Variants in FUBP1 observed in about 807,000 individuals in gnomAD.
FUBP1 encodes the protein far upstream element-binding protein 1.
In FUBP1, 16 loss-of-function variants were observed where a neutral mutation model predicts 94.9. The ratio of observed to expected loss-of-function variants is 0.17; its 90% CI spans 0.11 to 0.26. FUBP1 has a LOEUF of 0.26. Ranked by LOEUF, FUBP1 falls within the 10% of genes least tolerant of loss-of-function variation. The pLI, the probability that FUBP1 is intolerant of heterozygous loss-of-function variation, is 1.00. For missense variants in FUBP1, 583 were observed against 808.6 expected, an observed-to-expected ratio of 0.72 and a Z score of 3.38; for synonymous variants, 279 against 254.9, an observed-to-expected ratio of 1.09 and a Z score of -0.90.
chr1:77,960,500 A>G lies in FUBP1; in HGVS notation c.1345-5T>C. On this transcript the variant is annotated splice_polypyrimidine_tract_variant and splice_region_variant and intron_variant, in intron 14 of 19. Transcript: ENST00000370768. ...CCCTAAAGGATTTACTGGGCCCTAC[A>G]AAAAAAAGGATGACATAGAAAAATC... is the stretch of plus-strand genomic sequence containing the variant. 6.4e-7 allele frequency: 1 copy of G among 1,563,988 alleles called. No homozygotes were observed.
Position 77,945,819 on chromosome 1 carries a change from A to G in FUBP1, c.*2947T>C, listed in dbSNP as rs912397537. 3 of 213,184 alleles carry G rather than the reference A, an allele frequency of 1.4e-5. No homozygotes were observed. The highest frequency in any genetic ancestry group is 6.8e-5 in the African/African-American group (3 of 44,358). 13.2% of individuals were successfully genotyped at this position (213,184 alleles called of 1,614,324 possible). A position where few individuals can be genotyped will look rare whatever the true frequency, so the allele number is the denominator to read the frequency against. ...ACCAGTTAAAATCATCTATAAAAAC[A>G]CACAAACATTTTAAACTGGCAAAAA... On this transcript the variant is annotated 3_prime_UTR_variant, in exon 20 of 20. Transcript: ENST00000370768.
intron 1 of FUBP1, among the ~76,000 whole-genome samples, chr1:77,978,403 C>T (rs1462654704): frequency 2.0e-5 from 3 of 152,170 alleles, no homozygotes; most frequent in Non-Finnish European, 4.4e-5. Flanking sequence ...AGAGGTGTGA[C>T]GGTGAATGGT....
At chr1:77,961,073 T>G (rs1655383613) in intron 14 of FUBP1, among the ~76,000 whole-genome samples, 2 of 152,226 alleles carry the variant, frequency 1.3e-5, no homozygotes, top group Non-Finnish European at 2.9e-5. Flanking sequence ...GCCTTTCATG[T>G]ATCATGATGT....
In FUBP1 at chr1:77,955,286, G is replaced by T; in HGVS notation, c.1749C>A (p.Thr583=). 1 of 1,539,732 alleles carries T rather than the reference G, an allele frequency of 6.5e-7. No homozygotes were observed. The highest frequency in any genetic ancestry group is 9.0e-7 in the Non-Finnish European group (1 of 1,112,240). Residue 583 remains threonine (T), a synonymous_variant, in exon 18 of 20, where the codon ACC becomes ACA. Coordinates refer to ENST00000370768, the MANE Select transcript of FUBP1 (RefSeq NM_003902.5). Reference sequence around the variant, plus strand: ...TCTTGTAGTACTCTTCCCAAGCCTTGGTATAATCAACCTGTCCAGCTGGGG... The same window carrying T: ...TCTTGTAGTACTCTTCCCAAGCCTTTGTATAATCAACCTGTCCAGCTGGGG... ...NPAPAGQVDY[T]KAWEEYYKKM...
At chr1:77,964,777 A>G (rs1656163858) in intron 9 of FUBP1, 30 bp from the exon 10 acceptor site, 1 of 1,537,648 alleles carries the variant, frequency 6.5e-7, no homozygotes, top group Non-Finnish European at 9.0e-7. Context: ...CTAATTTAGA[A>G]AGCATGTCTC....
intron 4 of FUBP1, 149 bp from the exon 5 acceptor site, chr1:77,967,250 T>C: frequency 3.5e-6 from 2 of 573,784 alleles, no homozygotes; most frequent in South Asian, 5.1e-5. Flanking sequence ...AAAAATATGA[T>C]CTTATTACTT....
At chr1:77,977,165 T>C (rs1050582993) in intron 1 of FUBP1, among the ~76,000 whole-genome samples, 3 of 152,168 alleles carry the variant, frequency 2.0e-5, no homozygotes, top group African/African-American at 7.2e-5. Context: ...CAAGGAACTA[T>C]ATCATAGCTT....
rs1435129057 is a variant in FUBP1, at chr1:77,947,134, A to G, written c.*1632T>C. On this transcript the variant is annotated 3_prime_UTR_variant, in exon 20 of 20. Transcript: ENST00000370768. ...ACATTTCAAGACTTTCATATTAAATATAGAAGATATGCATATTTTACACTG... is the reference window on the plus strand; with the variant it reads ...ACATTTCAAGACTTTCATATTAAATGTAGAAGATATGCATATTTTACACTG... 4.8e-6 allele frequency: 1 copy of G among 206,856 alleles called. No homozygotes were observed. Among genetic ancestry groups the G allele is most frequent in the Non-Finnish European group, 9.9e-6 (1 of 101,284 alleles). 12.8% of individuals were successfully genotyped at this position (206,856 alleles called of 1,614,324 possible). A position where few individuals can be genotyped will look rare whatever the true frequency, so the allele number is the denominator to read the frequency against.
intron 5 of FUBP1, 23 bp downstream of exon 5, chr1:77,967,026 A>C (rs749910655): frequency 6.3e-7 from 1 of 1,576,468 alleles, no homozygotes; most frequent in Non-Finnish European, 8.7e-7. Context: ...TGTTTTCAAA[A>C]CTTTAAAAAT....
chr1:77,955,384 T>G, intron 17 of FUBP1, 55 bp from the exon 18 acceptor site: 3 of 1,094,526 alleles, frequency 2.7e-6, no homozygotes, highest in Non-Finnish European at 4.2e-6. Flanking sequence ...AAAGGCAATT[T>G]TGGCCGTTTC....
In FUBP1 at chr1:77,967,149, GT is replaced by G. The variant is rs1196194953; in HGVS notation, c.291-49del. The G allele has an allele frequency of 3.4e-6, 4 of 1,181,584 alleles. No homozygotes were observed. The East Asian group carries it at 9.4e-5, about 28-fold the overall frequency. 73.2% of individuals were successfully genotyped at this position (1,181,584 alleles called of 1,614,324 possible). On this transcript the variant is annotated intron_variant, in intron 4 of 19. Transcript: ENST00000370768. ...ATTTTCCTTCAATGAAAGATACTTT[GT>G]TTACAAATAAAAGATAATCTATTAA...
chr1:77,964,470 C>T, intron 10 of FUBP1, 114 bp from the exon 11 acceptor site: 4 of 694,748 alleles, frequency 5.8e-6, no homozygotes, highest in Non-Finnish European at 4.8e-6. Flanking sequence ...CATAAAAGTA[C>T]ATATAATTCT....
chr1:77,949,428 TGTTGACC>T, intron 18 of FUBP1, 128 bp from the exon 19 acceptor site: 1 of 695,226 alleles, frequency 1.4e-6, no homozygotes, highest in Non-Finnish European at 2.3e-6. Context: ...TGTTTGCCCT[TGTTGACC>T]AAAAAAAAAA....
intron 18 of FUBP1, among the ~76,000 whole-genome samples, chr1:77,951,892 A>G (rs769485445): frequency 2.6e-5 from 4 of 152,122 alleles, no homozygotes; most frequent in South Asian, 2.1e-4. Flanking sequence ...GGCTTAAGGT[A>G]CCAGATTCTT....
At chr1:77,950,060 A>C (rs1653095566) in intron 18 of FUBP1, among the ~76,000 whole-genome samples, 1 of 152,238 alleles carries the variant, frequency 6.6e-6, no homozygotes, top group Admixed American at 6.5e-5. Flanking sequence ...GCAACGCATG[A>C]ATCTTGAATG....
intron 14 of FUBP1, among the ~76,000 whole-genome samples, chr1:77,960,938 T>A (rs549881344): frequency 6.6e-6 from 1 of 152,190 alleles, no homozygotes; most frequent in Non-Finnish European, 1.5e-5. Context: ...TCCTGTATCA[T>A]CGTCTTCTGA....
chr1:77,964,077 A>G lies in FUBP1; in HGVS notation c.1026T>C (p.Leu342=), dbSNP rs748472938. ...TCTATCAAACCTGAACACTTCGAAG[A>G]AGGTCTGTAATAATTTCTGCAGCAT... The part of the protein sequence containing the change: ...CQHAAEIITD[L]LRSVQAGNPG... Residue 342 remains leucine, a synonymous_variant, in exon 12 of 20, where the codon CTT becomes CTC. Coordinates refer to ENST00000370768, the MANE Select transcript of FUBP1 (RefSeq NM_003902.5). 1.3e-6 allele frequency: 2 copies of G among 1,568,390 alleles called. No homozygotes were observed. The highest frequency in any genetic ancestry group is 1.1e-5 in the South Asian group (1 of 90,112).
At chr1:77,977,966 T>C (rs1257531201) in intron 1 of FUBP1, among the ~76,000 whole-genome samples, 3 of 152,236 alleles carry the variant, frequency 2.0e-5, no homozygotes, top group African/African-American at 7.2e-5. Context: ...TTTCTAATTA[T>C]CATTAGCTTA....
intron 18 of FUBP1, 54 bp from the exon 19 acceptor site, chr1:77,949,354 C>A (rs1386160952): frequency 7.1e-7 from 1 of 1,416,022 alleles, no homozygotes; most frequent in South Asian, 1.2e-5. Context: ...CCCAACATCT[C>A]ATTTCTAATA....
Sources: gnomAD v4.1 joint callset for allele counts (sites outside exome capture counted in the v4.1 genomes callset) on GRCh38, gnomAD v4.1.1 for gene constraint, MANE v1.5 for transcripts, NCBI Gene and HGNC (gene_info 2026-07-23, HGNC 2026-07-21) for gene names.